The following PRPS2 variants were observed in gnomAD, a reference collection of about 807,000 sequenced individuals.
PRPS2 encodes phosphoribosyl pyrophosphate synthetase 2, also known as ribose-phosphate pyrophosphokinase 2.
For synonymous variants in PRPS2, 111 were observed against 115.3 expected, an observed-to-expected ratio of 0.96 and a Z score of 0.24; for missense variants, 104 against 271.5, an observed-to-expected ratio of 0.38 and a Z score of 4.34.
intron 4 of PRPS2, among the ~76,000 whole-genome samples, chrX:12,811,763 A>G (rs1455587636): frequency 8.9e-6 from 1 of 111,985 alleles, no homozygotes; most frequent in African/African-American, 3.2e-5. Context: ...AGTAGCCCAG[A>G]AAGTTGTCTT....
chrX:12,796,236 T>TA (rs768526881), intron 1 of PRPS2, among the ~76,000 whole-genome samples: 1 of 72,495 alleles, frequency 1.4e-5, no homozygotes, highest in East Asian at 4.9e-4. Flanking sequence ...TTTTTTTTTT[T>TA]TGAGACAGAG....
Position 12,819,519 on chromosome X carries a change from T to C in PRPS2, c.543T>C (p.Ile181=), listed in dbSNP as rs776607874. 1.7e-6 allele frequency: 2 copies of C among 1,208,442 alleles called. No homozygotes were observed. The highest frequency in any genetic ancestry group is 3.6e-5 in the South Asian group (2 of 56,119). The change falls in exon 5 of 7, where the codon ATT becomes ATC. Residue 181 remains isoleucine (I), a synonymous_variant. Coordinates refer to ENST00000380668, the MANE Select transcript of PRPS2 (RefSeq NM_002765.5). Reference sequence around the variant, plus strand: ...GTGCCTTTGCCAGGGTTACATCAATTGCAGACAGGTTGAATGTGGAATTTG... The same window carrying C: ...GTGCCTTTGCCAGGGTTACATCAATCGCAGACAGGTTGAATGTGGAATTTG... The part of the protein sequence containing the change: ...DAGGAKRVTS[I]ADRLNVEFAL...
intron 4 of PRPS2, among the ~76,000 whole-genome samples, chrX:12,817,673 T>C (rs1017431765): frequency 4.5e-5 from 5 of 110,976 alleles, no homozygotes; most frequent in Non-Finnish European, 9.4e-5. Flanking sequence ...AACAGATGAA[T>C]GGATGAACGC....
At chrX:12,810,928 C>G (rs1252303583) in intron 4 of PRPS2, among the ~76,000 whole-genome samples, 1 of 111,521 alleles carries the variant, frequency 9.0e-6, no homozygotes, top group Admixed American at 9.5e-5. Context: ...AGGGGGAAAG[C>G]CCATCTTTAC....
chrX:12,813,417 A>C (rs1431792768), intron 4 of PRPS2, among the ~76,000 whole-genome samples: 1 of 112,451 alleles, frequency 8.9e-6, no homozygotes, highest in Admixed American at 9.4e-5. Context: ...CACGTGTGCT[A>C]GTAGGATACG....
At chrX:12,822,655 T>TTA (rs745365175) in intron 6 of PRPS2, 49 bp from the exon 7 acceptor site, 3 of 1,078,973 alleles carry the variant, frequency 2.8e-6, no homozygotes, top group Admixed American at 4.4e-5. Context: ...GAACTCTAAC[T>TTA]AAGATGTCCT....
At chrX:12,820,872 T>A (rs1425114170) in intron 6 of PRPS2, 69 bp downstream of exon 6, 1 of 1,097,762 alleles carries the variant, frequency 9.1e-7, no homozygotes, top group African/African-American at 1.8e-5. Context: ...AATAGCATCA[T>A]GTCTTGTGTG....
intron 4 of PRPS2, among the ~76,000 whole-genome samples, chrX:12,813,261 G>A (rs767403437): frequency 1.1e-4 from 12 of 112,214 alleles, no homozygotes; most frequent in Non-Finnish European, 1.5e-4. Context: ...TTCCATAGTC[G>A]TGTTGTGCAG....
chrX:12,817,678 G>A (rs1440256935), intron 4 of PRPS2, among the ~76,000 whole-genome samples: 5 of 111,205 alleles, frequency 4.5e-5, no homozygotes, highest in Non-Finnish European at 9.4e-5. Context: ...ATGAATGGAT[G>A]AACGCAATGC....
intron 4 of PRPS2, among the ~76,000 whole-genome samples, chrX:12,817,089 C>T (rs753227699): frequency 4.6e-5 from 5 of 108,430 alleles, no homozygotes; most frequent in African/African-American, 1.0e-4. Context: ...TTATTGGATC[C>T]GAGGATCCTC....
intron 2 of PRPS2, among the ~76,000 whole-genome samples, chrX:12,802,971 C>T (rs1484488693): frequency 8.9e-6 from 1 of 111,882 alleles, no homozygotes; most frequent in Non-Finnish European, 1.9e-5. Context: ...TGTGGTTTCT[C>T]GTTAGAGAAC....
chrX:12,806,323 C>G (rs2042593587), intron 2 of PRPS2, among the ~76,000 whole-genome samples: 1 of 111,859 alleles, frequency 8.9e-6, no homozygotes, highest in African/African-American at 3.3e-5. Flanking sequence ...CAATTTTACA[C>G]TTTTCAAAAG....
intron 6 of PRPS2, 30 bp downstream of exon 6, chrX:12,820,833 CA>C (rs776186140): frequency 1.7e-6 from 2 of 1,193,375 alleles, no homozygotes; most frequent in Admixed American, 4.4e-5. Flanking sequence ...GGCAGCCAAG[CA>C]GCCAGGCACC....
chrX:12,803,071 C>T (rs1475008371), intron 2 of PRPS2, among the ~76,000 whole-genome samples: 1 of 112,138 alleles, frequency 8.9e-6, no homozygotes, highest in Non-Finnish European at 1.9e-5. Flanking sequence ...CTTAAAACAA[C>T]AGAAATATGT....
chrX:12,820,799 T>C lies in PRPS2; in HGVS notation c.860T>C (p.Ile287Thr). Residue 287 changes from isoleucine to threonine, a missense_variant, in exon 6 of 7, where the codon ATT becomes ACT. By Grantham distance (89) the Ile-to-Thr change is moderately conservative (BLOSUM62 -1). Coordinates refer to ENST00000380668, the MANE Select transcript of PRPS2 (RefSeq NM_002765.5). ...GACAAAATGAAACACTGCACCAAGA[T>C]TCAGGTACTGTCTATACACCAAAGG... is the stretch of plus-strand genomic sequence containing the variant. ...QEDKMKHCTK[I>T]QVIDISMILA... 8.3e-7 allele frequency: 1 copy of C among 1,210,780 alleles called. No homozygotes were observed. Among genetic ancestry groups the C allele is most frequent in the East Asian group, 3.0e-5 (1 of 33,802 alleles).
chrX:12,804,933 CTCT>C (rs1222780973), intron 2 of PRPS2, among the ~76,000 whole-genome samples: 3 of 111,028 alleles, frequency 2.7e-5, no homozygotes, highest in African/African-American at 6.6e-5. Context: ...TGTGTAATTG[CTCT>C]TCTTGGAATG....
At chrX:12,808,601 A>G (rs2042606457) in intron 2 of PRPS2, among the ~76,000 whole-genome samples, 3 of 112,511 alleles carry the variant, frequency 2.7e-5, no homozygotes, top group Admixed American at 9.4e-5. Context: ...ACTATTATCA[A>G]TCCCCTTACA....
At chrX:12,817,330 CATTGCT>C (rs2042652250) in intron 4 of PRPS2, among the ~76,000 whole-genome samples, 1 of 109,860 alleles carries the variant, frequency 9.1e-6, no homozygotes, top group Non-Finnish European at 1.9e-5. Flanking sequence ...TGCAAATGTA[CATTGCT>C]AAGATTTTTT....
chrX:12,814,644 T>C (rs2042639028), intron 4 of PRPS2, among the ~76,000 whole-genome samples: 1 of 112,065 alleles, frequency 8.9e-6, no homozygotes, highest in Non-Finnish European at 1.9e-5. Flanking sequence ...CACTCTTGGG[T>C]AGGCTTTGTA....
Sources: gnomAD v4.1 joint callset for allele counts (sites outside exome capture counted in the v4.1 genomes callset) on GRCh38, gnomAD v4.1.1 for gene constraint, MANE v1.5 for transcripts, NCBI Gene and HGNC (gene_info 2026-07-23, HGNC 2026-07-21) for gene names.